Variants in NOTCH4 observed in about 807,000 individuals in gnomAD.
NOTCH4 encodes notch receptor 4, also known as neurogenic locus notch homolog protein 4.
A neutral mutation model predicts 189.0 loss-of-function variants in NOTCH4; 138 were observed. That is an observed-to-expected ratio of 0.73 (90% CI 0.64 to 0.84). The LOEUF is 0.84. Ranked by LOEUF, NOTCH4 falls within the 40% of genes least tolerant of loss-of-function variation. The pLI is 0.00. For synonymous variants in NOTCH4, 942 were observed against 1,032.8 expected (o/e 0.91, Z 1.69); for missense variants, 2,286 against 2,605.4 (o/e 0.88, Z 2.67).
chr6:32,214,740 G>A (rs1021418077), intron 12 of NOTCH4, among the ~76,000 whole-genome samples: 1 of 151,560 alleles, frequency 6.6e-6, no homozygotes, highest in Non-Finnish European at 1.5e-5. Flanking sequence ...TGATCCTTCC[G>A]CTTCAGCCTC....
chr6:32,197,654 C>T, intron 26 of NOTCH4, 60 bp from the exon 27 acceptor site: 1 of 1,440,994 alleles, frequency 6.9e-7, no homozygotes, highest in Non-Finnish European at 9.4e-7. Context: ...GAAGGGACAA[C>T]ATGTAAGCTC....
At chr6:32,222,860 G>T in intron 2 of NOTCH4, 54 bp from the exon 3 acceptor site, 1 of 1,592,432 alleles carries the variant, frequency 6.3e-7, no homozygotes. Context: ...TCCTATTCTT[G>T]CCCACTCCCT....
chr6:32,196,244 C>T, intron 29 of NOTCH4, 80 bp downstream of exon 29: 1 of 1,612,254 alleles, frequency 6.2e-7, no homozygotes, highest in South Asian at 1.1e-5. Flanking sequence ...GCCCCTATCC[C>T]TTCAGGCTTT....
At chr6:32,222,914 CTT>C (rs2127491609) in intron 2 of NOTCH4, 89 bp downstream of exon 2, 2 of 1,555,040 alleles carry the variant, frequency 1.3e-6, no homozygotes, top group East Asian at 4.5e-5. Flanking sequence ...CACTTCCTCT[CTT>C]TCTTCTTTGG....
chr6:32,212,819 C>T lies in NOTCH4; in HGVS notation c.2526+5G>A. ...CTCAGCACGCCTGACTTCAATGGCC[C>T]TCACCTGGCAGCTGCCTCCGGTGTA... On this transcript the variant is annotated splice_donor_5th_base_variant and intron_variant, in intron 16 of 29. Transcript: ENST00000375023. The surrounding 1 kb of genome is among the most constrained non-coding windows in gnomAD (Gnocchi z 4.4). The T allele has an allele frequency of 6.5e-7, 1 of 1,527,412 alleles. No individual in the cohort carries two copies. Among genetic ancestry groups the T allele is most frequent in the African/African-American group, 1.4e-5 (1 of 72,546 alleles). The allele number at this position is 1,527,412 out of a possible 1,614,324, so 94.6% of individuals were successfully genotyped here. A position where few individuals can be genotyped will look rare whatever the true frequency, so the allele number is the denominator to read the frequency against.
chr6:32,198,294 G>C lies in NOTCH4; in HGVS notation c.4756+127C>G, dbSNP rs1788086706. 9.8e-7 allele frequency: 1 copy of C among 1,024,176 alleles called. No homozygotes were observed. The highest frequency in any genetic ancestry group is 1.6e-5 in the African/African-American group (1 of 62,092). 63.4% of individuals were successfully genotyped at this position (1,024,176 alleles called of 1,614,324 possible). A position where few individuals can be genotyped will look rare whatever the true frequency, so the allele number is the denominator to read the frequency against. Reference sequence around the variant, plus strand: ...TTTTGCTGTCTGAGGACCACACTTTGAGAATCATTGTTCTAAGGCACTCAG... The same window carrying C: ...TTTTGCTGTCTGAGGACCACACTTTCAGAATCATTGTTCTAAGGCACTCAG... On this transcript the variant is annotated intron_variant, in intron 26 of 29. Transcript: ENST00000375023. This position sits in a 1 kb window ranked among gnomAD's most constrained non-coding sequence, Gnocchi z 5.5.
Position 32,202,242 on chromosome 6 carries a change from T to G in NOTCH4, c.3589A>C (p.Asn1197His). Residue 1197 changes from asparagine (N) to histidine (H), a missense_variant, in exon 21 of 30, where the codon AAC (asparagine) becomes CAC (histidine). Asn to His is a moderately conservative substitution (Grantham distance 68). This residue lies in a region of NOTCH4 where 1,903 missense variants were observed against 2,261.9 expected (regional missense o/e 0.84). Coordinates refer to ENST00000375023, the MANE Select transcript of NOTCH4 (RefSeq NM_004557.4). This position sits in a 1 kb window ranked among gnomAD's most constrained non-coding sequence, Gnocchi z 5.7. ...CDAGCSGPGG[N>H]WDGGDCSLGV... ...AGAGAGCAGTCCCCTCCATCCCAGT[T>G]TCCTCCCGGGCCACTGCAGCCAGCA... 1 of 1,563,872 alleles carries G rather than the reference T, an allele frequency of 6.4e-7. No individual in the cohort carries two copies.
chr6:32,223,881 T>TAGCAGC lies in NOTCH4; in HGVS notation c.42_47dup (p.Leu15_Leu16dup), dbSNP rs35795312. The TAGCAGC allele has an allele frequency of 0.11, 169,970 of 1,583,932 alleles. 7,563 individuals are homozygous for TAGCAGC. Among genetic ancestry groups the TAGCAGC allele is most frequent in the Non-Finnish European group, 0.12 (144,310 of 1,168,884 alleles). ...CTCTGGGTCTGACCACTGAGACACA[T>TAGCAGC]AGCAGCAGCAGCAGCAGCAGCAGCA... On this transcript the variant is annotated inframe_insertion, in exon 1 of 30. Transcript: ENST00000375023.
chr6:32,201,453 C>T lies in NOTCH4; in HGVS notation c.3803G>A (p.Cys1268Tyr), dbSNP rs756147003. 6.5e-7 allele frequency: 1 copy of T among 1,529,574 alleles called. No individual in the cohort carries two copies. Among genetic ancestry groups the T allele is most frequent in the Non-Finnish European group, 8.8e-7 (1 of 1,140,108 alleles). 94.8% of individuals were successfully genotyped at this position (1,529,574 alleles called of 1,614,324 possible). ...CTCTGCAGTGTTGCAGCCTTTCTCA[C>T]AGTGCCCGTTGTGGAAGTGATCATG... ...YCHDHFHNGH[C>Y]EKGCNTAECG... The change falls in exon 22 of 30, where the codon TGT (cysteine) becomes TAT (tyrosine). Residue 1268 changes from cysteine to tyrosine, a missense_variant. By Grantham distance (194) the Cys-to-Tyr change is radical. This residue lies in a region of NOTCH4 where 1,903 missense variants were observed against 2,261.9 expected (regional missense o/e 0.84). Coordinates refer to ENST00000375023, the MANE Select transcript of NOTCH4 (RefSeq NM_004557.4). The surrounding 1 kb of genome is among the most constrained non-coding windows in gnomAD (Gnocchi z 5.5).
chr6:32,211,285 A>G (rs181478140), intron 17 of NOTCH4, among the ~76,000 whole-genome samples: 9 of 144,624 alleles, frequency 6.2e-5, no homozygotes, highest in African/African-American at 2.4e-4. Flanking sequence ...CAAACAAACA[A>G]ACAGAAACGG....
In NOTCH4 at chr6:32,222,806, C is replaced by G. The variant is rs1283191443; in HGVS notation, c.156G>C (p.Gln52His). 1 of 1,609,528 alleles carries G rather than the reference C, an allele frequency of 6.2e-7. No homozygotes were observed. Among genetic ancestry groups the G allele is most frequent in the Non-Finnish European group, 8.5e-7 (1 of 1,178,562 alleles). ...LSLSLGQGTC[Q>H]CAPGFLGETC... ...TCTCACCCAGGAAGCCAGGGGCACA[C>G]CTGGGCAGGGGAGGAGAGGAAAACT... is the stretch of plus-strand genomic sequence containing the variant. Residue 52 changes from glutamine to histidine, a missense_variant and splice_region_variant, in exon 3 of 30, where the codon CAG (glutamine) becomes CAC (histidine). Physicochemically the swap from Gln to His is conservative, Grantham distance 24. Around this residue, in one of 2 missense-constraint regions of NOTCH4, gnomAD observed 1,903 missense variants for 2,261.9 expected, o/e 0.84. Coordinates refer to ENST00000375023, the MANE Select transcript of NOTCH4 (RefSeq NM_004557.4).
At position 32,216,451 on chromosome 6, in the gene NOTCH4, C is replaced by G. The variant is rs117892493; in HGVS notation, c.1861+494G>C. ...CCTCTGCTTATCTTTCAAGACTCATCTCAGCCATCACCTCCTCCATTTTTA... is the reference window on the plus strand; with the variant it reads ...CCTCTGCTTATCTTTCAAGACTCATGTCAGCCATCACCTCCTCCATTTTTA... On this transcript the variant is annotated intron_variant, in intron 11 of 29. Coordinates refer to ENST00000375023, the MANE Select transcript of NOTCH4 (RefSeq NM_004557.4). The G allele has an allele frequency of 2.3e-3, 449 of 193,620 alleles. 16 individuals are homozygous for G. The East Asian group carries it at 0.056, about 24-fold the overall frequency. The allele number at this position is 193,620 out of a possible 1,614,324, so 12.0% of individuals were successfully genotyped here. A position where few individuals can be genotyped will look rare whatever the true frequency, so the allele number is the denominator to read the frequency against.
rs423023 is a variant in NOTCH4 at position 32,220,520 on chromosome 6, G to T, written c.1044C>A (p.Gly348=). ...SFHCVCVSGW[G]GTSCEENLDD... ...CCAGGTTCTCCTCACAGCTTGTGCC[G>T]CCCCAGCCACTCACACACACGCAGT... is the stretch of plus-strand genomic sequence containing the variant. Residue 348 remains glycine (G), a synonymous_variant, in exon 6 of 30, where the codon GGC becomes GGA. Transcript: ENST00000375023. 6.2e-7 allele frequency: 1 copy of T among 1,612,674 alleles called. No individual in the cohort carries two copies. Among genetic ancestry groups the T allele is most frequent in the Non-Finnish European group, 8.5e-7 (1 of 1,179,892 alleles).
intron 18 of NOTCH4, among the ~76,000 whole-genome samples, 188 bp from the exon 19 acceptor site, chr6:32,204,577 C>T (rs189142703): frequency 1.3e-5 from 2 of 152,260 alleles, no homozygotes; most frequent in African/African-American, 2.4e-5. Context: ...CAATTGTTGG[C>T]GACACACAAC....
Position 32,198,067 on chromosome 6 carries a change from C to T in NOTCH4, c.4756+354G>A, listed in dbSNP as rs550989315. Among the ~76,000 whole-genome samples, 5 of 152,078 alleles carry T rather than the reference C, an allele frequency of 3.3e-5. No homozygotes were observed. The highest frequency in any genetic ancestry group is 2.1e-4 in the South Asian group (1 of 4,816). On this transcript the variant is annotated intron_variant, in intron 26 of 29. Transcript: ENST00000375023. This position sits in a 1 kb window ranked among gnomAD's most constrained non-coding sequence, Gnocchi z 5.5. ...CGATCTCCTGACCTTGTGATCCACC[C>T]GCCTTGGCCTCCCAAAGTGCTGGGA...
rs969171368 is a variant in NOTCH4 at position 32,210,181 on chromosome 6, A to C, written c.2865+571T>G. 6.6e-5 allele frequency among the ~76,000 whole-genome samples: 10 copies of C among 152,168 alleles called. No individual in the cohort carries two copies. The highest frequency in any genetic ancestry group is 1.0e-4 in the Non-Finnish European group (7 of 68,026). On this transcript the variant is annotated intron_variant, in intron 18 of 29. Coordinates refer to ENST00000375023, the MANE Select transcript of NOTCH4 (RefSeq NM_004557.4). This position sits in a 1 kb window ranked among gnomAD's most constrained non-coding sequence, Gnocchi z 4.8. ...CTGTGGAAGAGGGGTTGGGAAGGCC[A>C]TTCCAGGTAGTGTCAATAGCAGGGA... is the stretch of plus-strand genomic sequence containing the variant.
chr6:32,203,830 A>AT lies in NOTCH4; in HGVS notation c.3170dup (p.His1057GlnfsTer6), dbSNP rs1217598528. ...CTGCTGTGGCCTCACAGGTCCCTCCATGAAAGCAGGGTTGGCTGTGGCAGG... is the reference window on the plus strand; with the variant it reads ...CTGCTGTGGCCTCACAGGTCCCTCCATTGAAAGCAGGGTTGGCTGTGGCAGG... On this transcript the variant is annotated frameshift_variant, in exon 20 of 30. Coordinates refer to ENST00000375023, the MANE Select transcript of NOTCH4 (RefSeq NM_004557.4). LOFTEE classifies it high-confidence loss of function. 1 of 1,563,082 alleles carries AT rather than the reference A, an allele frequency of 6.4e-7. No homozygotes were observed. The highest frequency in any genetic ancestry group is 2.3e-5 in the East Asian group (1 of 42,730).
rs2114437 is a variant in NOTCH4 at position 32,198,603 on chromosome 6, C to T, written c.4618-44G>A. 6.2e-7 allele frequency: 1 copy of T among 1,610,798 alleles called. No homozygotes were observed. Among genetic ancestry groups the T allele is most frequent in the Non-Finnish European group, 8.5e-7 (1 of 1,178,720 alleles). ...ATCAGTGAAGGTTGATTTGCCCTTT[C>T]ATCCCTTCCATCACCTCCAGACCAT... is the stretch of plus-strand genomic sequence containing the variant. On this transcript the variant is annotated intron_variant, in intron 25 of 29. Transcript: ENST00000375023. The surrounding 1 kb of genome is among the most constrained non-coding windows in gnomAD (Gnocchi z 5.5).
chr6:32,221,693 T>G lies in NOTCH4; in HGVS notation c.452-368A>C, dbSNP rs1789789962. On this transcript the variant is annotated intron_variant, in intron 3 of 29. Transcript: ENST00000375023. The surrounding 1 kb of genome is among the most constrained non-coding windows in gnomAD (Gnocchi z 4.3). ...TTGTATACCCTTGGGTGAGCCACTT[T>G]GCCTTTCTGATCCTCATTTCCTAAT... 6.6e-6 allele frequency among the ~76,000 whole-genome samples: 1 copy of G among 152,172 alleles called. No individual in the cohort carries two copies. The highest frequency in any genetic ancestry group is 6.5e-5 in the Admixed American group (1 of 15,280).
Sources: gnomAD v4.1 joint callset for allele counts (sites outside exome capture counted in the v4.1 genomes callset) on GRCh38, gnomAD v4.1.1 for gene constraint, gnomAD v4.1.1 regional missense constraint, Gnocchi (gnomAD v3.1) non-coding constraint, MANE v1.5 for transcripts, NCBI Gene and HGNC (gene_info 2026-07-23, HGNC 2026-07-21) for gene names.